Variants in SOX5 observed in about 807,000 individuals in gnomAD.
SOX5 encodes the protein transcription factor SOX-5.
A neutral mutation model predicts 92.0 loss-of-function variants in SOX5; 9 were observed. The observed-to-expected ratio is 0.10, with a 90% CI of 0.06 to 0.17. SOX5 has a LOEUF of 0.17. SOX5 is among the 10% of genes least tolerant of loss of function. The probability of loss-of-function intolerance (pLI) is 1.00; values close to 1 mark genes in which losing one functional copy is unlikely to be tolerated. For missense variants in SOX5, 642 were observed against 944.5 expected (o/e 0.68, Z 4.20); for synonymous variants, 344 against 336.3 (o/e 1.02, Z -0.25).
At chr12:24,381,152 G>A (rs12582291) in intron 1 of SOX5, among the ~76,000 whole-genome samples, 84 of 152,252 alleles carry the variant, frequency 5.5e-4, no homozygotes, top group African/African-American at 1.8e-3. Flanking sequence ...TGCCCAAAAC[G>A]CCAGACACGG....
intron 1 of SOX5, among the ~76,000 whole-genome samples, chr12:24,494,706 G>C (rs565041516): frequency 6.6e-6 from 1 of 152,048 alleles, no homozygotes; most frequent in African/African-American, 2.4e-5. Flanking sequence ...GTCTATGTAA[G>C]GCAGTTCCAA....
intron 3 of SOX5, among the ~76,000 whole-genome samples, chr12:23,837,977 ATATATT>A (rs1197985076): frequency 4.0e-5 from 5 of 124,420 alleles, no homozygotes; most frequent in African/African-American, 1.2e-4. Context: ...TTTATATAAT[ATATATT>A]TATATTTATA....
At chr12:23,690,030 G>A (rs2088466694) in intron 6 of SOX5, among the ~76,000 whole-genome samples, 1 of 152,064 alleles carries the variant, frequency 6.6e-6, no homozygotes, top group South Asian at 2.1e-4. Context: ...TGCTTCTAAT[G>A]CATATAATCA....
intron 4 of SOX5, among the ~76,000 whole-genome samples, chr12:24,010,852 T>A (rs1952835292): frequency 6.6e-6 from 1 of 151,974 alleles, no homozygotes; most frequent in South Asian, 2.1e-4. Flanking sequence ...GGCCCAAGAA[T>A]TGCTTGAACC....
intron 8 of SOX5, among the ~76,000 whole-genome samples, chr12:23,621,056 A>T (rs2077114732): frequency 6.6e-6 from 1 of 152,108 alleles, no homozygotes; most frequent in Non-Finnish European, 1.5e-5. Flanking sequence ...ATTAGTTATG[A>T]TTATTATAAT....
chr12:24,107,945 AG>A (rs1299246495), intron 4 of SOX5, among the ~76,000 whole-genome samples: 3 of 152,234 alleles, frequency 2.0e-5, no homozygotes, highest in Non-Finnish European at 2.9e-5. Flanking sequence ...TACAGTGTAT[AG>A]GCTGCAAATA....
intron 1 of SOX5, among the ~76,000 whole-genome samples, chr12:24,497,054 A>G (rs980011970): frequency 2.0e-5 from 3 of 152,228 alleles, no homozygotes; most frequent in Non-Finnish European, 4.4e-5. Flanking sequence ...AAGACACTGA[A>G]TGATGAGGCT....
At chr12:24,322,660 T>C (rs2140914353) in intron 2 of SOX5, among the ~76,000 whole-genome samples, 1 of 152,270 alleles carries the variant, frequency 6.6e-6, no homozygotes, top group East Asian at 1.9e-4. Flanking sequence ...ATTTTCTCTG[T>C]GTTATACCTT....
chr12:24,369,973 T>G (rs1956556734), intron 1 of SOX5, among the ~76,000 whole-genome samples: 1 of 152,222 alleles, frequency 6.6e-6, no homozygotes, highest in Non-Finnish European at 1.5e-5. Flanking sequence ...CCATTGCTTA[T>G]TTTTTCTCAC....
intron 4 of SOX5, among the ~76,000 whole-genome samples, chr12:24,056,891 C>T (rs1326364675): frequency 7.2e-6 from 1 of 139,294 alleles, no homozygotes; most frequent in Non-Finnish European, 1.6e-5. Flanking sequence ...AGGAGAATGG[C>T]GTGAACCCGG....
chr12:24,058,443 C>T (rs1939013688), intron 4 of SOX5, among the ~76,000 whole-genome samples: 1 of 152,188 alleles, frequency 6.6e-6, no homozygotes, highest in Non-Finnish European at 1.5e-5. Context: ...AATACATCCC[C>T]TCGTAGGTAA....
rs546691985 is a variant in SOX5, at chr12:23,922,775, A to G, written c.39-26751T>C. Among the ~76,000 whole-genome samples, 439 of 152,302 alleles carry G rather than the reference A, an allele frequency of 2.9e-3. 2 individuals are homozygous for G. The highest frequency in any genetic ancestry group is 9.3e-3 in the African/African-American group (387 of 41,558). Reference sequence around the variant, plus strand: ...CTGTAGTGTTGATATTGTGCTTGGCATGAGGAAATAAAGATTAATGAATTT... The same window carrying G: ...CTGTAGTGTTGATATTGTGCTTGGCGTGAGGAAATAAAGATTAATGAATTT... On this transcript the variant is annotated intron_variant, in intron 1 of 14. Coordinates refer to ENST00000451604, the MANE Select transcript of SOX5 (RefSeq NM_006940.6).
chr12:23,893,077 C>T (rs912690154), intron 2 of SOX5, among the ~76,000 whole-genome samples: 18 of 152,130 alleles, frequency 1.2e-4, no homozygotes, highest in Non-Finnish European at 2.4e-4. Context: ...AATCTATTTC[C>T]GTAGTGTCTA....
intron 3 of SOX5, among the ~76,000 whole-genome samples, chr12:23,801,496 T>G (rs1304150901): frequency 6.6e-6 from 1 of 152,174 alleles, no homozygotes; most frequent in African/African-American, 2.4e-5. Context: ...TGAGCCCAAA[T>G]TTCCATCTAA....
intron 2 of SOX5, among the ~76,000 whole-genome samples, chr12:23,870,911 C>T (rs976477113): frequency 1.3e-5 from 2 of 152,034 alleles, no homozygotes; most frequent in African/African-American, 4.8e-5. Context: ...AGACACTTCA[C>T]TCACTAAGGA....
At chr12:24,146,737 GA>G (rs71059979) in intron 4 of SOX5, among the ~76,000 whole-genome samples, 5,743 of 119,314 alleles carry the variant, frequency 0.048, 100 homozygotes, top group Middle Eastern at 0.09. Flanking sequence ...TGGTCAGGAG[GA>G]AAAAAAAAAA....
chr12:24,426,768 A>G lies in SOX5; in HGVS notation c.-250-58129T>C, dbSNP rs113511928. Among the ~76,000 whole-genome samples the G allele has an allele frequency of 1.4e-3, 217 of 152,248 alleles. 1 individual carries two copies. The highest frequency in any genetic ancestry group is 4.8e-3 in the African/African-American group (199 of 41,554). On this transcript the variant is annotated intron_variant, in intron 1 of 4. Coordinates refer to the SOX5 transcript ENST00000446891. ...ACAAGGGTGACTGCAAACAAGTTAG[A>G]GTTGCAGTACACTACTAAGTCTCGG...
intron 4 of SOX5, among the ~76,000 whole-genome samples, chr12:24,193,888 T>TA (rs1446883302): frequency 6.6e-6 from 1 of 152,186 alleles, no homozygotes; most frequent in Non-Finnish European, 1.5e-5. Context: ...AACAGTCACT[T>TA]ACAATTTCAG....
chr12:24,116,084 A>G (rs1947958626), intron 4 of SOX5, among the ~76,000 whole-genome samples: 1 of 152,174 alleles, frequency 6.6e-6, no homozygotes, highest in Non-Finnish European at 1.5e-5. Flanking sequence ...ATAACTATCA[A>G]AAGATGGGGG....
Sources: allele counts gnomAD v4.1 joint callset (sites outside exome capture counted in the v4.1 genomes callset), GRCh38; gene constraint gnomAD v4.1.1; transcripts MANE v1.5; gene names NCBI Gene and HGNC (gene_info 2026-07-23, HGNC 2026-07-21).